The following ERC1 variants were observed in gnomAD, a reference collection of about 807,000 sequenced individuals.
ERC1 encodes RAB6 interacting protein 2.
ERC1 carries 56 observed loss-of-function variants against 132.0 expected under a neutral mutation model. That is an observed-to-expected ratio of 0.42 (90% CI 0.34 to 0.53). The LOEUF (loss-of-function observed/expected upper bound fraction) is 0.53. Among genes scored for constraint, ERC1 ranks in the 20% least tolerant of loss-of-function variants. The pLI, the probability that ERC1 is intolerant of heterozygous loss-of-function variation, is 0.03. For synonymous variants in ERC1, 478 were observed against 476.1 expected (o/e 1.00, Z -0.05); for missense variants, 1,202 against 1,349.9 (o/e 0.89, Z 1.72).
intron 2 of ERC1, among the ~76,000 whole-genome samples, chr12:1,049,219 G>T (rs1971526907): frequency 6.6e-6 from 1 of 152,164 alleles, no homozygotes; most frequent in Admixed American, 6.5e-5. Flanking sequence ...TGACATTTCT[G>T]TCCTCAGAAG....
chr12:1,411,886 A>C (rs1175625150), intron 17 of ERC1, among the ~76,000 whole-genome samples: 1 of 149,164 alleles, frequency 6.7e-6, no homozygotes, highest in Non-Finnish European at 1.5e-5. Flanking sequence ...AGGTAACTTC[A>C]CCAGGAGACT....
intron 18 of ERC1, among the ~76,000 whole-genome samples, chr12:1,455,214 T>TAATAATA (rs2093504797): frequency 6.6e-6 from 1 of 152,236 alleles, no homozygotes; most frequent in South Asian, 2.1e-4. Flanking sequence ...TTTCCTTTCT[T>TAATAATA]AATGCTAGGA....
intron 16 of ERC1, among the ~76,000 whole-genome samples, chr12:1,382,981 G>T (rs2088867351): frequency 6.6e-6 from 1 of 152,070 alleles, no homozygotes; most frequent in Non-Finnish European, 1.5e-5. Flanking sequence ...CTCATCCCAG[G>T]CTCCTTTCAT....
At chr12:1,020,755 G>A (rs986272177) in intron 1 of ERC1, 2 of 152,176 alleles carry the variant, frequency 1.3e-5, no homozygotes, top group Non-Finnish European at 2.9e-5. Flanking sequence ...GACGAAGACA[G>A]AAGCCCCAGT....
rs796513293 is a variant in ERC1 at position 1,122,665 on chromosome 12, C to CTATCTG, written c.1569+6633_1569+6634insATCTGT. Among the ~76,000 whole-genome samples, 70 of 33,848 alleles carry CTATCTG rather than the reference C, an allele frequency of 2.1e-3. 20 individuals are homozygous for CTATCTG. The highest frequency in any genetic ancestry group is 3.4e-3 in the African/African-American group (21 of 6,222). The allele number at this position is 33,848 out of a possible 152,430, so 22.2% of individuals were successfully genotyped here. On this transcript the variant is annotated intron_variant, in intron 7 of 18. Transcript: ENST00000360905. ...TCTATCTCTATCTCTATCTCTATCTCTGCCTATTGATATATCTGTATATAT... is the reference window on the plus strand; with the variant it reads ...TCTATCTCTATCTCTATCTCTATCTCTATCTGTGCCTATTGATATATCTGTATATAT...
intron 15 of ERC1, among the ~76,000 whole-genome samples, chr12:1,328,612 CTT>C (rs2082632230): frequency 1.3e-5 from 2 of 151,534 alleles, no homozygotes; most frequent in South Asian, 2.1e-4. Context: ...CACGTTTCTC[CTT>C]TCTCTCTCTT....
At chr12:1,177,437 C>T (rs1335355998) in intron 8 of ERC1, among the ~76,000 whole-genome samples, 1 of 152,168 alleles carries the variant, frequency 6.6e-6, no homozygotes, top group Non-Finnish European at 1.5e-5. Flanking sequence ...GCAACTTTTC[C>T]TTCTCCCTGA....
chr12:991,878 C>A (rs765583033), intron 1 of ERC1: 1 of 150,944 alleles, frequency 6.6e-6, no homozygotes, highest in Non-Finnish European at 1.5e-5. Context: ...TTCAAAAGGA[C>A]GATGAGCTGT....
chr12:1,484,589 T>C (rs2094169338), intron 18 of ERC1, among the ~76,000 whole-genome samples: 1 of 149,684 alleles, frequency 6.7e-6, no homozygotes, highest in Non-Finnish European at 1.5e-5. Flanking sequence ...TTTCCTTTTT[T>C]TTTTTTTTGA....
At chr12:1,483,855 C>T (rs978286534) in intron 18 of ERC1, among the ~76,000 whole-genome samples, 1 of 151,510 alleles carries the variant, frequency 6.6e-6, no homozygotes, top group African/African-American at 2.4e-5. Context: ...CACATGTGAC[C>T]GATTTTTTTT....
rs920765990 is a variant in ERC1 at position 1,495,024 on chromosome 12, G to C, written c.*4794G>C. On this transcript the variant is annotated 3_prime_UTR_variant, in exon 19 of 19. Coordinates refer to ENST00000360905, the MANE Select transcript of ERC1 (RefSeq NM_178040.4). ...AGAATCTGGGGCTCAGAGCCTCGCA[G>C]TTGTGCCAGGATTTTCCTATACATG... 3.1e-5 allele frequency: 7 copies of C among 229,176 alleles called. No homozygotes were observed. The allele number at this position is 229,176 out of a possible 1,614,324, so 14.2% of individuals were successfully genotyped here.
At chr12:1,044,739 A>G (rs1970813020) in intron 2 of ERC1, among the ~76,000 whole-genome samples, 1 of 152,170 alleles carries the variant, frequency 6.6e-6, no homozygotes, top group Admixed American at 6.5e-5. Context: ...AAATTTTTTT[A>G]GAAAGTGGGT....
At chr12:1,010,772 G>A (rs1158662272) in intron 1 of ERC1, among the ~76,000 whole-genome samples, 4 of 151,782 alleles carry the variant, frequency 2.6e-5, no homozygotes, top group Non-Finnish European at 5.9e-5. Flanking sequence ...CTTGGCCTCC[G>A]AAAGTGCTGG....
intron 17 of ERC1, among the ~76,000 whole-genome samples, chr12:1,439,300 C>A (rs1036994646): frequency 6.6e-6 from 1 of 152,178 alleles, no homozygotes; most frequent in African/African-American, 2.4e-5. Flanking sequence ...GATACAGGAA[C>A]AACTTACCTG....
rs2093115605 is a variant in ERC1, at chr12:1,440,603, TGTG to T, written c.3025-3958_3025-3956del. 1.5e-3 allele frequency among the ~76,000 whole-genome samples: 22 copies of T among 15,076 alleles called. 1 individual carries two copies. Among genetic ancestry groups the T allele is most frequent in the African/African-American group, 2.4e-3 (16 of 6,598 alleles). The allele number at this position is 15,076 out of a possible 152,430, so 9.9% of individuals were successfully genotyped here. On this transcript the variant is annotated intron_variant, in intron 17 of 18. Coordinates refer to ENST00000360905, the MANE Select transcript of ERC1 (RefSeq NM_178040.4). ...GCAATCCCCCTGCCTCAGCCTTTTG[TGTG>T]TGTGTGTGTGTGTGTGTGTGTGTGT... is the stretch of plus-strand genomic sequence containing the variant.
intron 8 of ERC1, among the ~76,000 whole-genome samples, chr12:1,171,403 T>C (rs1423040903): frequency 1.3e-5 from 2 of 151,046 alleles, no homozygotes; most frequent in East Asian, 3.9e-4. Flanking sequence ...TTTGCCTTGT[T>C]TGTACATTTT....
intron 18 of ERC1, among the ~76,000 whole-genome samples, chr12:1,450,424 G>A (rs963341481): frequency 2.0e-5 from 3 of 152,308 alleles, no homozygotes; most frequent in East Asian, 1.9e-4. Context: ...TGTGACTGAC[G>A]TATTTCATGT....
In ERC1 at chr12:1,412,299, G is replaced by A. The variant is rs188871438; in HGVS notation, c.3024+4052G>A. 7.2e-5 allele frequency among the ~76,000 whole-genome samples: 11 copies of A among 152,270 alleles called. 1 individual carries two copies. Among genetic ancestry groups the A allele is most frequent in the African/African-American group, 2.4e-4 (10 of 41,544 alleles). On this transcript the variant is annotated intron_variant, in intron 17 of 18. Transcript: ENST00000360905. ...GATTTACCTTATCAAACTTAAAAAC[G>A]TGTGTTTTGCATCTGAAACATTTTC... is the stretch of plus-strand genomic sequence containing the variant.
intron 2 of ERC1, among the ~76,000 whole-genome samples, chr12:1,039,457 G>A (rs758871435): frequency 2.6e-4 from 39 of 152,008 alleles, no homozygotes; most frequent in Non-Finnish European, 4.4e-4. Flanking sequence ...TTGACCGCAG[G>A]AGGTGGAAGC....
Sources: gnomAD v4.1 joint callset for allele counts (sites outside exome capture counted in the v4.1 genomes callset) on GRCh38, gnomAD v4.1.1 for gene constraint, MANE v1.5 for transcripts, NCBI Gene and HGNC (gene_info 2026-07-23, HGNC 2026-07-21) for gene names.